The following ATRN variants were observed in gnomAD, a reference collection of about 807,000 sequenced individuals.
The protein encoded by ATRN is attractin, also known as attractin-2.
Under a neutral mutation model 178.7 loss-of-function variants are expected in ATRN, and 54 were observed. That is an observed-to-expected ratio of 0.30 (90% CI 0.24 to 0.38). ATRN has a LOEUF of 0.38. Among genes scored for constraint, ATRN ranks in the 10% least tolerant of loss-of-function variants. The pLI, the probability that ATRN is intolerant of heterozygous loss-of-function variation, is 1.00. For synonymous variants in ATRN, 636 were observed against 663.0 expected (o/e 0.96, Z 0.63); for missense variants, 1,443 against 1,815.1 (o/e 0.79, Z 3.73).
chr20:3,617,389 T>C (rs545703785), intron 24 of ATRN, among the ~76,000 whole-genome samples: 45 of 152,260 alleles, frequency 3.0e-4, no homozygotes, highest in African/African-American at 9.9e-4. Flanking sequence ...CAAAATAATA[T>C]GATCATAGGG....
At chr20:3,483,013 C>T (rs545196699) in intron 1 of ATRN, among the ~76,000 whole-genome samples, 16 of 152,286 alleles carry the variant, frequency 1.1e-4, no homozygotes, top group Non-Finnish European at 2.4e-4. Context: ...CCAAGGTCCC[C>T]ATGTTACCAC....
intron 23 of ATRN, among the ~76,000 whole-genome samples, chr20:3,602,191 G>A (rs577059010): frequency 2.0e-5 from 3 of 151,954 alleles, no homozygotes; most frequent in Admixed American, 6.6e-5. Context: ...TCAGCCAGGC[G>A]TGGAGGCACG....
At chr20:3,584,271 C>CAATT (rs2086324096) in intron 17 of ATRN, among the ~76,000 whole-genome samples, 188 bp downstream of exon 17, 7 of 152,094 alleles carry the variant, frequency 4.6e-5, no homozygotes, top group Non-Finnish European at 1.0e-4. Flanking sequence ...CAGAATCAGG[C>CAATT]ACATTGACAG....
At chr20:3,634,922 C>T (rs1383236196) in intron 26 of ATRN, among the ~76,000 whole-genome samples, 1 of 152,114 alleles carries the variant, frequency 6.6e-6, no homozygotes, top group Non-Finnish European at 1.5e-5. Context: ...CAAATATTTA[C>T]AGCTGACAAA....
At chr20:3,481,566 G>C (rs530752441) in intron 1 of ATRN, among the ~76,000 whole-genome samples, 6 of 152,132 alleles carry the variant, frequency 3.9e-5, no homozygotes, top group Non-Finnish European at 7.4e-5. Context: ...GGCTGATCTC[G>C]AACTCCTGGG....
In ATRN at chr20:3,471,319, C is replaced by CGGT; in HGVS notation, c.213_214insGTG (p.Pro71_Leu72insVal). 1 of 1,481,210 alleles carries CGGT rather than the reference C, an allele frequency of 6.8e-7. No individual in the cohort carries two copies. The highest frequency in any genetic ancestry group is 8.9e-7 in the Non-Finnish European group (1 of 1,124,618). 91.8% of individuals were successfully genotyped at this position (1,481,210 alleles called of 1,614,324 possible). A position where few individuals can be genotyped will look rare whatever the true frequency, so the allele number is the denominator to read the frequency against. On this transcript the variant is annotated inframe_insertion, in exon 1 of 29. Coordinates refer to ENST00000262919, the MANE Select transcript of ATRN (RefSeq NM_139321.3). ...CTGCTGCTGTTGTTGCTCTCGCCGC[C>CGGT]GCTGCTGCTGCTGCTGCTGCCCTGT... is the stretch of plus-strand genomic sequence containing the variant.
At chr20:3,629,934 C>T (rs1319206454) in intron 25 of ATRN, among the ~76,000 whole-genome samples, 1 of 123,586 alleles carries the variant, frequency 8.1e-6, no homozygotes, top group African/African-American at 3.9e-5. Flanking sequence ...CAAGCCTCAT[C>T]ATTCTGAGTT....
At position 3,646,942 on chromosome 20, in the gene ATRN, G is replaced by T; in HGVS notation, c.*95G>T. ...CGTGGCGGGGAAATGGCTGTGCGGT[G>T]CGGGACGGAAGACTGGAAACCCTCA... On this transcript the variant is annotated 3_prime_UTR_variant, in exon 29 of 29. Coordinates refer to ENST00000262919, the MANE Select transcript of ATRN (RefSeq NM_139321.3). 6.7e-7 allele frequency: 1 copy of T among 1,488,276 alleles called. No individual in the cohort carries two copies. The highest frequency in any genetic ancestry group is 1.3e-5 in the South Asian group (1 of 74,656). The allele number at this position is 1,488,276 out of a possible 1,614,324, so 92.2% of individuals were successfully genotyped here.
intron 20 of ATRN, 53 bp from the exon 21 acceptor site, chr20:3,596,324 A>G: frequency 9.2e-6 from 14 of 1,519,904 alleles, no homozygotes; most frequent in Non-Finnish European, 1.3e-5. Context: ...TTTTAAAATG[A>G]ATTCAGTTTC....
At chr20:3,517,966 A>G (rs575276268) in intron 1 of ATRN, among the ~76,000 whole-genome samples, 1 of 152,282 alleles carries the variant, frequency 6.6e-6, no homozygotes, top group South Asian at 2.1e-4. Flanking sequence ...TATTTTCAAC[A>G]TCTGAAGCAT....
At chr20:3,595,664 A>G (rs2086519164) in intron 20 of ATRN, among the ~76,000 whole-genome samples, 1 of 152,222 alleles carries the variant, frequency 6.6e-6, no homozygotes, top group Non-Finnish European at 1.5e-5. Flanking sequence ...GGCATCAAGT[A>G]AGACTTTCAA....
rs768606486 is a variant in ATRN at position 3,634,393 on chromosome 20, A to G, written c.3942+4A>G. 11 of 1,610,682 alleles carry G rather than the reference A, an allele frequency of 6.8e-6. No homozygotes were observed. In the Admixed American group the frequency reaches 1.8e-4, roughly 27 times the overall value. ...TTGGGCCTCCAGACGTAGAGAGGTA[A>G]GCTTCAGTGGGTAAAGATTAAAGAA... On this transcript the variant is annotated splice_donor_region_variant and intron_variant, in intron 26 of 28. Transcript: ENST00000262919.
rs2084419562 is a variant in ATRN at position 3,471,385 on chromosome 20, C to T, written c.278C>T (p.Ser93Leu). ...AAAAAAAVSG[S>L]AAAEAKECDR... ...GCGGCGGCGGCGGCGGTGTCGGGCT[C>T]AGCCGCAGCCGAGGCCAAGGAATGT... Residue 93 changes from serine (S) to leucine (L), a missense_variant, in exon 1 of 29, where the codon TCA becomes TTA. Physicochemically the swap from Ser to Leu is moderately radical, Grantham distance 145. Coordinates refer to ENST00000262919, the MANE Select transcript of ATRN (RefSeq NM_139321.3). The T allele has an allele frequency of 2.0e-6, 3 of 1,487,130 alleles. No individual in the cohort carries two copies. The highest frequency in any genetic ancestry group is 1.3e-5 in the South Asian group (1 of 77,976). The allele number at this position is 1,487,130 out of a possible 1,614,324, so 92.1% of individuals were successfully genotyped here.
At chr20:3,646,296 C>T (rs567125431) in intron 28 of ATRN, among the ~76,000 whole-genome samples, 8 of 152,256 alleles carry the variant, frequency 5.3e-5, no homozygotes, top group Admixed American at 4.6e-4. Flanking sequence ...TGCTGTTTCT[C>T]GGCTCCTTTT....
Position 3,645,750 on chromosome 20 carries a change from T to C in ATRN, c.4166-973T>C, listed in dbSNP as rs1048941795. On this transcript the variant is annotated intron_variant, in intron 28 of 28. Coordinates refer to ENST00000262919, the MANE Select transcript of ATRN (RefSeq NM_139321.3). This position sits in a 1 kb window ranked among gnomAD's most constrained non-coding sequence, Gnocchi z 4.7. Reference sequence around the variant, plus strand: ...TGTGTGCCAGGCACTTACAGCTGTCTACCCCCACCCCCACTCCCCTTCACA... The same window carrying C: ...TGTGTGCCAGGCACTTACAGCTGTCCACCCCCACCCCCACTCCCCTTCACA... 2.6e-5 allele frequency among the ~76,000 whole-genome samples: 4 copies of C among 151,962 alleles called. No individual in the cohort carries two copies. Among genetic ancestry groups the C allele is most frequent in the African/African-American group, 9.7e-5 (4 of 41,370 alleles).
chr20:3,623,859 A>G (rs1399047168), intron 24 of ATRN, among the ~76,000 whole-genome samples: 1 of 152,184 alleles, frequency 6.6e-6, no homozygotes, highest in Non-Finnish European at 1.5e-5. Context: ...TCATAGTTAA[A>G]TTGACAGTGT....
At chr20:3,612,446 C>T (rs937502230) in intron 24 of ATRN, among the ~76,000 whole-genome samples, 1 of 152,106 alleles carries the variant, frequency 6.6e-6, no homozygotes, top group African/African-American at 2.4e-5. Flanking sequence ...CAGGCCTACC[C>T]ACACAGGAGT....
chr20:3,581,565 A>G (rs1600127747), intron 15 of ATRN, among the ~76,000 whole-genome samples: 1 of 152,212 alleles, frequency 6.6e-6, no homozygotes, highest in Non-Finnish European at 1.5e-5. Flanking sequence ...TATACTAACC[A>G]GTTAAGCATC....
intron 1 of ATRN, among the ~76,000 whole-genome samples, chr20:3,516,320 G>A (rs1320324856): frequency 6.6e-6 from 1 of 152,058 alleles, no homozygotes; most frequent in Admixed American, 6.6e-5. Context: ...CTGCTTGTTG[G>A]TATATAAGAG....
Sources: gnomAD v4.1 joint callset for allele counts (sites outside exome capture counted in the v4.1 genomes callset) on GRCh38, gnomAD v4.1.1 for gene constraint, Gnocchi (gnomAD v3.1) non-coding constraint, MANE v1.5 for transcripts, NCBI Gene and HGNC (gene_info 2026-07-23, HGNC 2026-07-21) for gene names.